Variants in APOBEC3G observed in about 807,000 individuals in gnomAD.
APOBEC3G encodes the protein apolipoprotein B mRNA editing enzyme catalytic subunit 3G, also known as DNA dC->dU-editing enzyme APOBEC-3G.
A neutral mutation model predicts 50.0 loss-of-function variants in APOBEC3G; 44 were observed. The observed-to-expected ratio is 0.88, with a 90% CI of 0.69 to 1.13. The LOEUF (loss-of-function observed/expected upper bound fraction) is 1.13. Ranked by LOEUF, APOBEC3G falls within the 50% of genes most tolerant of loss-of-function variation. APOBEC3G has a pLI of 0.00. For synonymous variants in APOBEC3G, 156 were observed against 175.3 expected, an observed-to-expected ratio of 0.89 and a Z score of 0.87; for missense variants, 469 against 492.0, an observed-to-expected ratio of 0.95 and a Z score of 0.44.
Position 39,083,842 on chromosome 22 carries a change from C to T in APOBEC3G, c.693C>T (p.Thr231=). The T allele has an allele frequency of 2.5e-6, 4 of 1,613,930 alleles. No homozygotes were observed. Among genetic ancestry groups the T allele is most frequent in the Non-Finnish European group, 3.4e-6 (4 of 1,179,854 alleles). Residue 231 remains threonine, a synonymous_variant, in exon 5 of 8, where the codon ACC becomes ACT. Transcript: ENST00000407997. The part of the protein sequence containing the change: ...CYEVERMHND[T]WVLLNQRRGF... ...AGGTGGAGCGCATGCACAATGACAC[C>T]TGGGTCCTGCTGAACCAGCGCAGGG...
intron 1 of APOBEC3G, chr22:39,078,603 G>A (rs1928274709): frequency 4.5e-6 from 1 of 223,436 alleles, no homozygotes; most frequent in South Asian, 8.5e-5. Flanking sequence ...CTCAGAATTC[G>A]GTTCTACCAT....
chr22:39,085,780 G>C (rs1326073418), intron 5 of APOBEC3G, among the ~76,000 whole-genome samples: 2 of 152,054 alleles, frequency 1.3e-5, no homozygotes, highest in African/African-American at 4.8e-5. Flanking sequence ...CCAGTTACTG[G>C]GGAGGCTGAG....
Position 39,081,195 on chromosome 22 carries a change from C to T in APOBEC3G, c.434C>T (p.Pro145Leu), listed in dbSNP as rs566534862. Residue 145 changes from proline (P) to leucine (L), a missense_variant, in exon 3 of 8, where the codon CCG becomes CTG. By Grantham distance (98) the Pro-to-Leu change is moderately conservative. Coordinates refer to ENST00000407997, the MANE Select transcript of APOBEC3G (RefSeq NM_021822.4). Reference protein sequence around the residue: ...LRSLCQKRDGPRATMKIMNYD... With the variant: ...LRSLCQKRDGLRATMKIMNYD... ...AGCCTGTGTCAGAAAAGAGACGGTCCGCGTGCCACCATGAAGATCATGAAT... is the reference window on the plus strand; with the variant it reads ...AGCCTGTGTCAGAAAAGAGACGGTCTGCGTGCCACCATGAAGATCATGAAT... 1.3e-4 allele frequency: 205 copies of T among 1,614,166 alleles called. 1 individual carries two copies. The South Asian group carries it at 1.8e-3, about 14-fold the overall frequency.
intron 4 of APOBEC3G, chr22:39,083,123 T>C (rs2146298100): frequency 6.6e-6 from 1 of 152,368 alleles, no homozygotes; most frequent in South Asian, 2.1e-4. Context: ...ATCTGGTGTT[T>C]CTGGTTTGGA....
chr22:39,080,926 C>G lies in APOBEC3G; in HGVS notation c.172-7C>G, dbSNP rs1346055565. On this transcript the variant is annotated splice_region_variant and splice_polypyrimidine_tract_variant and intron_variant, in intron 2 of 7. Transcript: ENST00000407997. Reference sequence around the variant, plus strand: ...CAGAGCTTGCCCTGACCCTGCTCCTCTCCCAGGTGTATTCCGAACTTAAGT... The same window carrying G: ...CAGAGCTTGCCCTGACCCTGCTCCTGTCCCAGGTGTATTCCGAACTTAAGT... 1.2e-6 allele frequency: 2 copies of G among 1,605,950 alleles called. No individual in the cohort carries two copies. Among genetic ancestry groups the G allele is most frequent in the Non-Finnish European group, 1.7e-6 (2 of 1,175,076 alleles).
rs1928575773 is a variant in APOBEC3G, at chr22:39,083,752, A to G, written c.603A>G (p.Thr201=). ...CCAGACACTCGATGGATCCACCCAC[A>G]TTCACTTTCAACTTTAACAATGAAC... ...EILRHSMDPP[T]FTFNFNNEPW... is the part of the protein sequence containing the mutation. The change falls in exon 5 of 8, where the codon ACA becomes ACG. Residue 201 remains threonine (T), a synonymous_variant. Transcript: ENST00000407997. 6.2e-7 allele frequency: 1 copy of G among 1,613,808 alleles called. No individual in the cohort carries two copies. Among genetic ancestry groups the G allele is most frequent in the Admixed American group, 1.7e-5 (1 of 59,982 alleles).
intron 7 of APOBEC3G, 65 bp downstream of exon 7, chr22:39,087,191 C>T (rs1928735986): frequency 6.8e-6 from 11 of 1,609,888 alleles, no homozygotes; most frequent in South Asian, 1.1e-5. Flanking sequence ...TCCCCTGCGC[C>T]GTGCCTTCCC....
rs1201738763 is a variant in APOBEC3G, at chr22:39,083,782, G to T, written c.633G>T (p.Trp211Cys). The change falls in exon 5 of 8, where the codon TGG becomes TGT. Residue 211 changes from tryptophan (W) to cysteine (C), a missense_variant. By Grantham distance (215) the Trp-to-Cys change is radical. Transcript: ENST00000407997. ...TFTFNFNNEP[W>C]VRGRHETYLC... ...CTTTCAACTTTAACAATGAACCTTG[G>T]GTCAGAGGACGGCATGAGACTTACC... 6.2e-7 allele frequency: 1 copy of T among 1,613,998 alleles called. No homozygotes were observed. Among genetic ancestry groups the T allele is most frequent in the East Asian group, 2.2e-5 (1 of 44,888 alleles).
Position 39,081,202 on chromosome 22 carries a change from C to G in APOBEC3G, c.441C>G (p.Ala147=). The change falls in exon 3 of 8, where the codon GCC becomes GCG. Residue 147 remains alanine, a synonymous_variant. Coordinates refer to ENST00000407997, the MANE Select transcript of APOBEC3G (RefSeq NM_021822.4). ...GTCAGAAAAGAGACGGTCCGCGTGCCACCATGAAGATCATGAATTATGACG... is the reference window on the plus strand; with the variant it reads ...GTCAGAAAAGAGACGGTCCGCGTGCGACCATGAAGATCATGAATTATGACG... ...SLCQKRDGPR[A]TMKIMNYDEF... 6.2e-7 allele frequency: 1 copy of G among 1,614,200 alleles called. No homozygotes were observed. Among genetic ancestry groups the G allele is most frequent in the Non-Finnish European group, 8.5e-7 (1 of 1,180,020 alleles).
In APOBEC3G at chr22:39,087,526, C is replaced by T; in HGVS notation, c.*105C>T. On this transcript the variant is annotated 3_prime_UTR_variant, in exon 8 of 8. Transcript: ENST00000407997. ...ACAGGCTGTTCACCACCATCTCCAG[C>T]TGATCACAGACACCAGCAAAGCAAT... The T allele has an allele frequency of 6.2e-7, 1 of 1,602,298 alleles. No homozygotes were observed. Among genetic ancestry groups the T allele is most frequent in the Non-Finnish European group, 8.5e-7 (1 of 1,169,988 alleles).
chr22:39,086,584 G>A lies in APOBEC3G; in HGVS notation c.1024+17G>A. ...CATACAGTGGTGAGAATGGAAGCCT[G>A]GAGTAGGATGGGGTCAGCCAGGGCA... is the stretch of plus-strand genomic sequence containing the variant. On this transcript the variant is annotated intron_variant, in intron 6 of 7. Transcript: ENST00000407997. 1 of 1,576,422 alleles carries A rather than the reference G, an allele frequency of 6.3e-7. No individual in the cohort carries two copies. Among genetic ancestry groups the A allele is most frequent in the South Asian group, 1.2e-5 (1 of 85,762 alleles).
At position 39,087,362 on chromosome 22, in the gene APOBEC3G, C is replaced by T. The variant is rs748312821; in HGVS notation, c.1141-45C>T. The T allele has an allele frequency of 5.6e-6, 9 of 1,613,958 alleles. No individual in the cohort carries two copies. In the East Asian group the frequency reaches 1.8e-4, roughly 32 times the overall value. On this transcript the variant is annotated intron_variant, in intron 7 of 7. Coordinates refer to ENST00000407997, the MANE Select transcript of APOBEC3G (RefSeq NM_021822.4). ...CAGGCCTCCACCATATGCCTACTTTCCACTCGCTCACCCTTTGCTCCATTC... is the reference window on the plus strand; with the variant it reads ...CAGGCCTCCACCATATGCCTACTTTTCACTCGCTCACCCTTTGCTCCATTC...
intron 2 of APOBEC3G, chr22:39,079,382 A>G (rs1346293918): frequency 3.5e-6 from 1 of 284,882 alleles, no homozygotes; most frequent in African/African-American, 2.2e-5. Flanking sequence ...CAATGACGCG[A>G]TCTCGGCTCA....
Position 39,081,591 on chromosome 22 carries a change from G to C in APOBEC3G, c.581+6G>C. 6.2e-7 allele frequency: 1 copy of C among 1,605,498 alleles called. No individual in the cohort carries two copies. Among genetic ancestry groups the C allele is most frequent in the Non-Finnish European group, 8.5e-7 (1 of 1,172,586 alleles). On this transcript the variant is annotated splice_donor_region_variant and intron_variant, in intron 4 of 7. Transcript: ENST00000407997. Reference sequence around the variant, plus strand: ...ATGCTGGGGGAGATTCTCAGGTGAGGGTCTCCCTCCAGGCTCATCGCCTCG... The same window carrying C: ...ATGCTGGGGGAGATTCTCAGGTGAGCGTCTCCCTCCAGGCTCATCGCCTCG...
Position 39,080,275 on chromosome 22 carries a change from G to A in APOBEC3G, c.172-658G>A, listed in dbSNP as rs557031589. 14 of 687,006 alleles carry A rather than the reference G, an allele frequency of 2.0e-5. 2 individuals carry two copies. The South Asian group carries it at 8.6e-4, about 42-fold the overall frequency. The allele number at this position is 687,006 out of a possible 1,614,324, so 42.6% of individuals were successfully genotyped here. On this transcript the variant is annotated intron_variant, in intron 2 of 7. Coordinates refer to ENST00000407997, the MANE Select transcript of APOBEC3G (RefSeq NM_021822.4). Reference sequence around the variant, plus strand: ...TGAATGGATGCCTGGGAGAATGGATGCTAGAATTCACACACGAGGCCATGA... The same window carrying A: ...TGAATGGATGCCTGGGAGAATGGATACTAGAATTCACACACGAGGCCATGA...
upstream of APOBEC3G, chr22:39,077,045 G>T: frequency 2.0e-6 from 1 of 510,050 alleles, no homozygotes. Context: ...CACCTCCCGG[G>T]CGCTGGCTGC....
rs60565586 is a variant in APOBEC3G at position 39,078,708 on chromosome 22, GTCTC to G, written c.18-214_18-211del. 1.4e-3 allele frequency: 774 copies of G among 566,788 alleles called. 2 individuals carry two copies. The highest frequency in any genetic ancestry group is 0.013 in the African/African-American group (696 of 52,678). 35.1% of individuals were successfully genotyped at this position (566,788 alleles called of 1,614,324 possible). A position where few individuals can be genotyped will look rare whatever the true frequency, so the allele number is the denominator to read the frequency against. On this transcript the variant is annotated intron_variant, in intron 1 of 7. Coordinates refer to ENST00000407997, the MANE Select transcript of APOBEC3G (RefSeq NM_021822.4). The stretch of plus-strand genomic sequence containing the variant: ...ATTTTGGGGTGAAGAGTTTTATTCT[GTCTC>G]TCTCTCTCTTTTTTTTTGAGACGGA...
At chr22:39,083,381 G>A (rs548504114) in intron 4 of APOBEC3G, among the ~76,000 whole-genome samples, 9 of 152,338 alleles carry the variant, frequency 5.9e-5, no homozygotes, top group Non-Finnish European at 1.2e-4. Context: ...CAAGGACTGA[G>A]AGCGAGCAGA....
rs112603901 is a variant in APOBEC3G, at chr22:39,080,941, C to G, written c.180C>G (p.Ser60=). Residue 60 remains serine (S), a synonymous_variant, in exon 3 of 8, where the codon TCC becomes TCG. Coordinates refer to ENST00000407997, the MANE Select transcript of APOBEC3G (RefSeq NM_021822.4). ...DAKIFRGQVY[S]ELKYHPEMRF... ...CCCTGCTCCTCTCCCAGGTGTATTC[C>G]GAACTTAAGTACCACCCAGAGATGA... The G allele has an allele frequency of 1.9e-6, 3 of 1,612,816 alleles. No homozygotes were observed. Among genetic ancestry groups the G allele is most frequent in the South Asian group, 2.2e-5 (2 of 90,998 alleles).
Sources: gnomAD v4.1 joint callset for allele counts (sites outside exome capture counted in the v4.1 genomes callset) on GRCh38, gnomAD v4.1.1 for gene constraint, MANE v1.5 for transcripts, NCBI Gene and HGNC (gene_info 2026-07-23, HGNC 2026-07-21) for gene names.